Variants in PTPRH observed in about 807,000 individuals in gnomAD.
The protein encoded by PTPRH is protein tyrosine phosphatase receptor type H.
Under a neutral mutation model 130.2 loss-of-function variants are expected in PTPRH, and 113 were observed. That is an observed-to-expected ratio of 0.87 (90% CI 0.75 to 1.01). The LOEUF (loss-of-function observed/expected upper bound fraction) is 1.01. Ranked by LOEUF, PTPRH falls within the 50% of genes least tolerant of loss-of-function variation. The pLI is 0.00. For missense variants in PTPRH, 1,430 were observed against 1,425.0 expected, an observed-to-expected ratio of 1.00 and a Z score of -0.06; for synonymous variants, 556 against 577.9, an observed-to-expected ratio of 0.96 and a Z score of 0.54.
chr19:55,182,080 A>G lies in PTPRH; in HGVS notation c.3134T>C (p.Leu1045Pro), dbSNP rs1419652668. Residue 1045 changes from leucine to proline, a missense_variant, in exon 19 of 20, where the codon CTC becomes CCC. Coordinates refer to ENST00000376350, the MANE Select transcript of PTPRH (RefSeq NM_002842.5). ...CCTTACAAAGCTGAAGGGCCCAAGGAGACCCTCGGACTGCAGCTGCCGGAG... is the reference window on the plus strand; with the variant it reads ...CCTTACAAAGCTGAAGGGCCCAAGGGGACCCTCGGACTGCAGCTGCCGGAG... ...VLLRQLQSEG[L>P]LGPFSFVRKM... 3 of 1,614,004 alleles carry G rather than the reference A, an allele frequency of 1.9e-6. No homozygotes were observed. The highest frequency in any genetic ancestry group is 2.5e-6 in the Non-Finnish European group (3 of 1,180,036).
At position 55,197,102 on chromosome 19, in the gene PTPRH, G is replaced by A. The variant is rs1485934105; in HGVS notation, c.1990+15C>T. Reference sequence around the variant, plus strand: ...AGCCCAGTTCACCACTTGAAGGCAGGAAGGGGATTCTCACATGTGGACGCA... The same window carrying A: ...AGCCCAGTTCACCACTTGAAGGCAGAAAGGGGATTCTCACATGTGGACGCA... On this transcript the variant is annotated intron_variant, in intron 9 of 19. Coordinates refer to ENST00000376350, the MANE Select transcript of PTPRH (RefSeq NM_002842.5). The A allele has an allele frequency of 1.9e-6, 3 of 1,611,954 alleles. No individual in the cohort carries two copies. Among genetic ancestry groups the A allele is most frequent in the Non-Finnish European group, 2.5e-6 (3 of 1,178,170 alleles).
Position 55,200,345 on chromosome 19 carries a change from ATT to A in PTPRH, c.1309_1310del (p.Asn437TyrfsTer6). 1 of 1,614,046 alleles carries A rather than the reference ATT, an allele frequency of 6.2e-7. No individual in the cohort carries two copies. Among genetic ancestry groups the A allele is most frequent in the Non-Finnish European group, 8.5e-7 (1 of 1,180,018 alleles). On this transcript the variant is annotated frameshift_variant, in exon 7 of 20. Coordinates refer to ENST00000376350, the MANE Select transcript of PTPRH (RefSeq NM_002842.5). LOFTEE classifies it high-confidence loss of function. ...CAAGTCTCTCAGCTGTCACACTGGT[ATT>A]TGTTGTGTTTCGGGTCTCTGTGCCA... The part of the protein sequence containing the change: ...GGGTETRNTT[N>X]TSVTAERLEP...
At chr19:55,199,761 A>G (rs181330453) in intron 7 of PTPRH, among the ~76,000 whole-genome samples, 2,036 of 144,154 alleles carry the variant, frequency 0.014, 54 homozygotes, top group African/African-American at 0.049. Context: ...AAGAAAGAGA[A>G]AGAGAAAGAA....
At chr19:55,203,667 G>T in intron 5 of PTPRH, 115 bp downstream of exon 5, 1 of 1,238,682 alleles carries the variant, frequency 8.1e-7, no homozygotes, top group East Asian at 2.5e-5. Flanking sequence ...CTCACCTGTG[G>T]CTTCCACTGT....
chr19:55,204,107 G>T, intron 4 of PTPRH, 59 bp from the exon 5 acceptor site: 2 of 1,488,598 alleles, frequency 1.3e-6, no homozygotes, highest in East Asian at 2.3e-5. Flanking sequence ...AACGGGGGCA[G>T]CCAGTGAGCT....
chr19:55,192,601 C>T (rs140773270), intron 10 of PTPRH, among the ~76,000 whole-genome samples: 6,678 of 150,874 alleles, frequency 0.044, 213 homozygotes, highest in Non-Finnish European at 0.067. Flanking sequence ...ACCCAGGCTG[C>T]AGTGCAGTGG....
Position 55,209,357 on chromosome 19 carries a change from G to A in PTPRH, c.51+26C>T. The A allele has an allele frequency of 6.4e-7, 1 of 1,557,234 alleles. No individual in the cohort carries two copies. ...AGACCTGGGAGTCCCTGCCTTGGGA[G>A]CCCGCTCTGGGCGGGGAGCACTTAC... On this transcript the variant is annotated intron_variant, in intron 1 of 19. Coordinates refer to ENST00000376350, the MANE Select transcript of PTPRH (RefSeq NM_002842.5). The surrounding 1 kb of genome is among the most constrained non-coding windows in gnomAD (Gnocchi z 4.1).
rs1212950124 is a variant in PTPRH at position 55,202,199 on chromosome 19, T to A, written c.1010A>T (p.Asp337Val). 2.5e-6 allele frequency: 4 copies of A among 1,614,118 alleles called. No homozygotes were observed. The highest frequency in any genetic ancestry group is 3.3e-4 in the Middle Eastern group (2 of 6,062). The change falls in exon 6 of 20, where the codon GAT (aspartate) becomes GTT (valine). Residue 337 changes from aspartate (D) to valine (V), a missense_variant. Asp to Val is a radical substitution (Grantham distance 152). Transcript: ENST00000376350. ...NSTYGVEYTG[D>V]GGRAGTRSTA... Reference sequence around the variant, plus strand: ...GCTTCGAGTCCCTGCTCTGCCACCATCTCCAGTGTACTCAACCCCGTAGGT... The same window carrying A: ...GCTTCGAGTCCCTGCTCTGCCACCAACTCCAGTGTACTCAACCCCGTAGGT...
At chr19:55,187,170 C>T (rs1257179433) in intron 14 of PTPRH, among the ~76,000 whole-genome samples, 1 of 150,492 alleles carries the variant, frequency 6.6e-6, no homozygotes, top group Admixed American at 6.6e-5. Flanking sequence ...ACGGTGAAAC[C>T]CTGTCTCTAC....
intron 12 of PTPRH, among the ~76,000 whole-genome samples, chr19:55,191,065 A>G (rs780026534): frequency 1.3e-5 from 2 of 152,024 alleles, no homozygotes; most frequent in Non-Finnish European, 2.9e-5. Flanking sequence ...GATGGTCTTG[A>G]TCTCCTGACC....
rs761549324 is a variant in PTPRH, at chr19:55,200,325, C to A, written c.1331G>T (p.Arg444Ile). ...TGTGTACAAGGTTCCGGGCTCAAGT[C>A]TCTCAGCTGTCACACTGGTATTTGT... ...NTTNTSVTAE[R>I]LEPGTLYTFS... The change falls in exon 7 of 20, where the codon AGA (arginine) becomes ATA (isoleucine). Residue 444 changes from arginine to isoleucine, a missense_variant. By Grantham distance (97) the Arg-to-Ile change is moderately conservative. Transcript: ENST00000376350. 5.0e-6 allele frequency: 8 copies of A among 1,614,088 alleles called. No homozygotes were observed. Among genetic ancestry groups the A allele is most frequent in the African/African-American group, 1.3e-5 (1 of 74,928 alleles).
At chr19:55,202,909 T>C (rs771313614) in intron 5 of PTPRH, among the ~76,000 whole-genome samples, 2 of 151,778 alleles carry the variant, frequency 1.3e-5, no homozygotes, top group Non-Finnish European at 2.9e-5. Context: ...TATGGTGGCA[T>C]ATGCCTGTAG....
Position 55,209,289 on chromosome 19 carries a change from C to G in PTPRH, c.51+94G>C, listed in dbSNP as rs556351303. On this transcript the variant is annotated intron_variant, in intron 1 of 19. Transcript: ENST00000376350. The surrounding 1 kb of genome is among the most constrained non-coding windows in gnomAD (Gnocchi z 4.1). ...TTCTCCAGGGGATCTTCAGCACCTACTTCCTCAAGATCGAGGTGCAGGCAC... is the reference window on the plus strand; with the variant it reads ...TTCTCCAGGGGATCTTCAGCACCTAGTTCCTCAAGATCGAGGTGCAGGCAC... 3.6e-5 allele frequency: 39 copies of G among 1,090,068 alleles called. No homozygotes were observed. The highest frequency in any genetic ancestry group is 4.4e-5 in the Non-Finnish European group (32 of 726,142). The allele number at this position is 1,090,068 out of a possible 1,614,324, so 67.5% of individuals were successfully genotyped here.
chr19:55,198,809 G>A lies in PTPRH; in HGVS notation c.1524C>T (p.Tyr508=). ...PQGPGQSSYS[Y]WVSWVREGMT... ...TGCCTTCCCTGACCCATGAGACCCA[G>A]TAGCTGTAGGAAGACTGGCCTGGGC... Residue 508 remains tyrosine (Y), a synonymous_variant, in exon 8 of 20, where the codon TAC becomes TAT. Transcript: ENST00000376350. The A allele has an allele frequency of 6.2e-7, 1 of 1,611,546 alleles. No individual in the cohort carries two copies. The highest frequency in any genetic ancestry group is 8.5e-7 in the Non-Finnish European group (1 of 1,178,544).
Position 55,209,352 on chromosome 19 carries a change from T to C in PTPRH, c.51+31A>G, listed in dbSNP as rs1443318155. On this transcript the variant is annotated intron_variant, in intron 1 of 19. Coordinates refer to ENST00000376350, the MANE Select transcript of PTPRH (RefSeq NM_002842.5). The surrounding 1 kb of genome is among the most constrained non-coding windows in gnomAD (Gnocchi z 4.1). Reference sequence around the variant, plus strand: ...CCCTCAGACCTGGGAGTCCCTGCCTTGGGAGCCCGCTCTGGGCGGGGAGCA... The same window carrying C: ...CCCTCAGACCTGGGAGTCCCTGCCTCGGGAGCCCGCTCTGGGCGGGGAGCA... 6.4e-7 allele frequency: 1 copy of C among 1,556,224 alleles called. No homozygotes were observed. The highest frequency in any genetic ancestry group is 8.7e-7 in the Non-Finnish European group (1 of 1,148,980).
intron 14 of PTPRH, among the ~76,000 whole-genome samples, chr19:55,186,859 A>T (rs1447126725): frequency 6.6e-6 from 1 of 152,036 alleles, no homozygotes; most frequent in African/African-American, 2.4e-5. Context: ...AGCCTGGCCA[A>T]CATGGTGAAA....
In PTPRH at chr19:55,196,698, TCGTAGCCTCCCTGG is replaced by T; in HGVS notation, c.2067_2080del (p.Gln690GlyfsTer3). 1 of 1,614,002 alleles carries T rather than the reference TCGTAGCCTCCCTGG, an allele frequency of 6.2e-7. No homozygotes were observed. The highest frequency in any genetic ancestry group is 8.5e-7 in the Non-Finnish European group (1 of 1,180,006). ...TCCTCCCACCTCCAACTCAAAGGCC[TCGTAGCCTCCCTGG>T]GGGCAGGACCAGATCAAGTTGACTC... On this transcript the variant is annotated frameshift_variant, in exon 10 of 20. Coordinates refer to ENST00000376350, the MANE Select transcript of PTPRH (RefSeq NM_002842.5). LOFTEE classifies it high-confidence loss of function.
At chr19:55,199,775 A>AAG (rs765719960) in intron 7 of PTPRH, among the ~76,000 whole-genome samples, 7 of 149,434 alleles carry the variant, frequency 4.7e-5, no homozygotes, top group Non-Finnish European at 9.0e-5. Context: ...GAAAGAAAGA[A>AAG]AGAGAGAGAG....
Position 55,206,856 on chromosome 19 carries a change from T to C in PTPRH, c.185A>G (p.Asn62Ser), listed in dbSNP as rs148819962. The C allele has an allele frequency of 3.1e-6, 5 of 1,614,114 alleles. No homozygotes were observed. The highest frequency in any genetic ancestry group is 1.3e-5 in the African/African-American group (1 of 75,044). Residue 62 changes from asparagine (N) to serine (S), a missense_variant, in exon 3 of 20, where the codon AAC (asparagine) becomes AGC (serine). Transcript: ENST00000376350. ...VPDGLDSQNS[N>S]YWVQCTGDGG... is the part of the protein sequence containing the mutation. ...GTCTCCAGTACACTGAACCCAGTAG[T>C]TGGAGTTCTGTGAGTCTAGGCCATC... is the stretch of plus-strand genomic sequence containing the variant.
Sources: allele counts gnomAD v4.1 joint callset (sites outside exome capture counted in the v4.1 genomes callset), GRCh38; gene constraint gnomAD v4.1.1; non-coding constraint Gnocchi (gnomAD v3.1); transcripts MANE v1.5; gene names NCBI Gene and HGNC (gene_info 2026-07-23, HGNC 2026-07-21).